Variants in MTIF2 observed in about 807,000 individuals in gnomAD.
MTIF2 encodes mitochondrial translational initiation factor 2.
In MTIF2, 71 loss-of-function variants were observed where a neutral mutation model predicts 83.5. The ratio of observed to expected loss-of-function variants is 0.85; its 90% CI spans 0.70 to 1.04. The LOEUF (loss-of-function observed/expected upper bound fraction) is 1.04. Among genes scored for constraint, MTIF2 ranks in the 50% least tolerant of loss-of-function variants. MTIF2 has a pLI of 0.00. For missense variants in MTIF2, 957 were observed against 846.5 expected, an observed-to-expected ratio of 1.13 and a Z score of -1.62; for synonymous variants, 319 against 287.1, an observed-to-expected ratio of 1.11 and a Z score of -1.12.
chr2:55,244,072 T>C lies in MTIF2; in HGVS notation c.1268A>G (p.Asp423Gly), dbSNP rs1044567582. ...SMPVGITGWRDLPSAGEEILE... is the reference protein window; with the variant it reads ...SMPVGITGWRGLPSAGEEILE... ...AATTTCTTCTCCTGCAGAAGGAAGG[T>C]CTCTCCAGCCTGTAATTCCCACTGG... Residue 423 changes from aspartate to glycine, a missense_variant, in exon 11 of 16, where the codon GAC becomes GGC. By Grantham distance (94) the Asp-to-Gly change is moderately conservative (BLOSUM62 -1). This residue lies in a region of MTIF2 where 733 missense variants were observed against 648.7 expected (regional missense o/e 1.13). Transcript: ENST00000263629. 8 of 1,614,002 alleles carry C rather than the reference T, an allele frequency of 5.0e-6. No individual in the cohort carries two copies. The highest frequency in any genetic ancestry group is 6.8e-6 in the Non-Finnish European group (8 of 1,180,034).
chr2:55,252,846 G>T (rs1677200242), intron 7 of MTIF2, among the ~76,000 whole-genome samples, 193 bp from the exon 8 acceptor site: 1 of 152,076 alleles, frequency 6.6e-6, no homozygotes, highest in East Asian at 1.9e-4. Context: ...ATTCTTATGG[G>T]TTTTTTTCCA....
intron 9 of MTIF2, among the ~76,000 whole-genome samples, chr2:55,247,294 T>C (rs1043714374): frequency 1.3e-5 from 2 of 152,204 alleles, no homozygotes; most frequent in Admixed American, 1.3e-4. Flanking sequence ...CGGTGGCTCA[T>C]GCCTGTAATC....
At chr2:55,253,278 T>C (rs1238627246) in intron 7 of MTIF2, among the ~76,000 whole-genome samples, 1 of 152,216 alleles carries the variant, frequency 6.6e-6, no homozygotes, top group Admixed American at 6.5e-5. Flanking sequence ...ATTTAATTAT[T>C]ATCAGCAATA....
At chr2:55,262,192 G>T (rs1678055839) in intron 5 of MTIF2, 124 bp downstream of exon 5, 3 of 711,046 alleles carry the variant, frequency 4.2e-6, no homozygotes, top group Admixed American at 2.5e-5. Context: ...ATATTACAAT[G>T]ACTTAATATA....
rs1677813895 is a variant in MTIF2 at position 55,259,712 on chromosome 2, GAT to G, written c.331+2602_331+2603del. Among the ~76,000 whole-genome samples the G allele has an allele frequency of 2.0e-5, 3 of 152,186 alleles. No individual in the cohort carries two copies. The South Asian group carries it at 6.2e-4, about 31-fold the overall frequency. Reference sequence around the variant, plus strand: ...ATAATCCTAGCATTTGGAAGGCTAAGATGTGCAGATCACTTGAGGTCAGGAGT... The same window carrying G: ...ATAATCCTAGCATTTGGAAGGCTAAGGTGCAGATCACTTGAGGTCAGGAGT... On this transcript the variant is annotated intron_variant, in intron 5 of 15. Transcript: ENST00000263629.
chr2:55,239,468 A>G (rs1676138532), intron 14 of MTIF2, among the ~76,000 whole-genome samples: 1 of 152,150 alleles, frequency 6.6e-6, no homozygotes, highest in Admixed American at 6.5e-5. Context: ...TTTTTCTGGA[A>G]ATTTAAAACT....
At chr2:55,238,500 T>C (rs1021003407) in intron 14 of MTIF2, among the ~76,000 whole-genome samples, 4 of 151,190 alleles carry the variant, frequency 2.6e-5, no homozygotes, top group African/African-American at 7.3e-5. Context: ...CAAGCGATTC[T>C]CCTGCCTCAG....
intron 4 of MTIF2, among the ~76,000 whole-genome samples, chr2:55,262,992 G>C (rs1678149666): frequency 6.6e-6 from 1 of 152,226 alleles, no homozygotes; most frequent in Non-Finnish European, 1.5e-5. Context: ...CTCCCAAAGA[G>C]CCGTGATTAC....
intron 3 of MTIF2, among the ~76,000 whole-genome samples, chr2:55,264,770 T>G (rs1263976468): frequency 6.6e-6 from 1 of 152,182 alleles, no homozygotes; most frequent in Non-Finnish European, 1.5e-5. Flanking sequence ...ATAATGCCTT[T>G]TGAGTATTAT....
chr2:55,246,532 A>G lies in MTIF2; in HGVS notation c.982-71T>C, dbSNP rs977527320. 19 of 1,309,606 alleles carry G rather than the reference A, an allele frequency of 1.5e-5. No individual in the cohort carries two copies. The African/African-American group carries it at 2.6e-4, about 18-fold the overall frequency. The allele number at this position is 1,309,606 out of a possible 1,614,324, so 81.1% of individuals were successfully genotyped here. On this transcript the variant is annotated intron_variant, in intron 9 of 15. Transcript: ENST00000263629. ...CTGTAAATGTAAATGCCAGGGACAG[A>G]AAGTCACATAATACTTGCAAGTTAT...
chr2:55,256,903 T>C (rs2104423814), intron 5 of MTIF2, among the ~76,000 whole-genome samples: 1 of 152,208 alleles, frequency 6.6e-6, no homozygotes. Flanking sequence ...CTTGCCATTT[T>C]GCCCAGGTTG....
rs151191477 is a variant in MTIF2 at position 55,264,255 on chromosome 2, C to T, written c.-7-390G>A. On this transcript the variant is annotated intron_variant, in intron 3 of 15. Coordinates refer to ENST00000263629, the MANE Select transcript of MTIF2 (RefSeq NM_002453.3). Reference sequence around the variant, plus strand: ...AAACTTCTTTTTTGAAACCGGGTCTCACTCTATCATCCAGGCTGGAGGCTG... The same window carrying T: ...AAACTTCTTTTTTGAAACCGGGTCTTACTCTATCATCCAGGCTGGAGGCTG... 4.2e-3 allele frequency among the ~76,000 whole-genome samples: 642 copies of T among 152,272 alleles called. 2 individuals carry two copies. Among genetic ancestry groups the T allele is most frequent in the Non-Finnish European group, 6.0e-3 (408 of 68,030 alleles).
intron 3 of MTIF2, among the ~76,000 whole-genome samples, chr2:55,265,596 A>G (rs1325743153): frequency 1.3e-5 from 2 of 152,014 alleles, no homozygotes; most frequent in African/African-American, 2.4e-5. Flanking sequence ...TAGACTCTTC[A>G]GTATAGATTT....
At chr2:55,245,089 A>T (rs1298764119) in intron 10 of MTIF2, among the ~76,000 whole-genome samples, 1 of 152,160 alleles carries the variant, frequency 6.6e-6, no homozygotes, top group African/African-American at 2.4e-5. Flanking sequence ...TAAATTGTTT[A>T]AAAAAAGGAA....
chr2:55,250,316 G>A (rs915453759), intron 8 of MTIF2, among the ~76,000 whole-genome samples: 25 of 151,620 alleles, frequency 1.6e-4, no homozygotes, highest in Non-Finnish European at 7.4e-5. Context: ...GACCCACACA[G>A]TTCAAACCCG....
chr2:55,243,798 A>C (rs1241992389), intron 11 of MTIF2, 130 bp from the exon 12 acceptor site: 1 of 1,099,894 alleles, frequency 9.1e-7, no homozygotes, highest in East Asian at 2.5e-5. Context: ...ATAAGTTTCA[A>C]GAAACATGTA....
intron 5 of MTIF2, among the ~76,000 whole-genome samples, chr2:55,259,243 G>C (rs567354318): frequency 1.3e-5 from 2 of 152,190 alleles, no homozygotes; most frequent in African/African-American, 4.8e-5. Context: ...CAGGAGAAGA[G>C]GGAATAAATG....
chr2:55,248,164 C>A (rs1337092345), intron 9 of MTIF2, among the ~76,000 whole-genome samples: 2 of 152,226 alleles, frequency 1.3e-5, no homozygotes, highest in African/African-American at 4.8e-5. Context: ...GCTAGGCTTA[C>A]AGGCATAAGT....
chr2:55,263,830 T>C lies in MTIF2; in HGVS notation c.29A>G (p.Asn10Ser). Residue 10 changes from asparagine to serine, a missense_variant, in exon 4 of 16, where the codon AAC (asparagine) becomes AGC (serine). Coordinates refer to ENST00000263629, the MANE Select transcript of MTIF2 (RefSeq NM_002453.3). The stretch of plus-strand genomic sequence containing the variant: ...ATAAATAGTGTGAAATCGTAGCAAG[T>C]TCTCCAACTTCAGTAGCTTCTGGTT... The part of the protein sequence containing the change: MNQKLLKLE[N>S]LLRFHTIYRQ... 6.2e-7 allele frequency: 1 copy of C among 1,613,886 alleles called. No individual in the cohort carries two copies. Among genetic ancestry groups the C allele is most frequent in the Non-Finnish European group, 8.5e-7 (1 of 1,179,982 alleles).
Sources: gnomAD v4.1 joint callset for allele counts (sites outside exome capture counted in the v4.1 genomes callset) on GRCh38, gnomAD v4.1.1 for gene constraint, gnomAD v4.1.1 regional missense constraint, MANE v1.5 for transcripts, NCBI Gene and HGNC (gene_info 2026-07-23, HGNC 2026-07-21) for gene names.